The following PRDM9 variants were observed in gnomAD, a reference collection of about 807,000 sequenced individuals.
PRDM9 encodes the protein histone-lysine N-methyltransferase PRDM9.
In PRDM9, 47 loss-of-function variants were observed where a neutral mutation model predicts 55.6. That is an observed-to-expected ratio of 0.85 (90% CI 0.67 to 1.08). PRDM9 has a LOEUF of 1.08. Among genes scored for constraint, PRDM9 ranks in the 50% least tolerant of loss-of-function variants. The pLI is 0.00. For synonymous variants in PRDM9, 312 were observed against 375.7 expected, an observed-to-expected ratio of 0.83 and a Z score of 1.96; for missense variants, 867 against 1,040.3, an observed-to-expected ratio of 0.83 and a Z score of 2.29.
chr5:23,518,220 T>C (rs1443383831), intron 5 of PRDM9, among the ~76,000 whole-genome samples: 1 of 152,226 alleles, frequency 6.6e-6, no homozygotes, highest in Non-Finnish European at 1.5e-5. Flanking sequence ...ATTAAGTAGA[T>C]GTTGTAACTA....
In PRDM9 at chr5:23,510,043, A is replaced by C; in HGVS notation, c.301+16A>C. On this transcript the variant is annotated intron_variant, in intron 4 of 10. Coordinates refer to ENST00000296682, the MANE Select transcript of PRDM9 (RefSeq NM_020227.4). Reference sequence around the variant, plus strand: ...AGGCAGCAAGGTAAGAGGGAAGGGAAGTAGGATTTTTTTTTTTTTTTTTTT... The same window carrying C: ...AGGCAGCAAGGTAAGAGGGAAGGGACGTAGGATTTTTTTTTTTTTTTTTTT... The C allele has an allele frequency of 2.8e-6, 4 of 1,415,024 alleles. No individual in the cohort carries two copies. The highest frequency in any genetic ancestry group is 4.0e-6 in the Non-Finnish European group (4 of 1,008,770). 87.7% of individuals were successfully genotyped at this position (1,415,024 alleles called of 1,614,324 possible).
chr5:23,525,758 T>C (rs758803352), intron 10 of PRDM9, among the ~76,000 whole-genome samples: 7 of 152,166 alleles, frequency 4.6e-5, no homozygotes, highest in Non-Finnish European at 1.0e-4. Context: ...TTTCCCCTCT[T>C]AGGAAATCAC....
intron 9 of PRDM9, among the ~76,000 whole-genome samples, chr5:23,523,758 C>T (rs1034758665): frequency 6.6e-6 from 1 of 152,106 alleles, no homozygotes; most frequent in African/African-American, 2.4e-5. Flanking sequence ...ACAATGGGCT[C>T]TCGTTCTATC....
In PRDM9 at chr5:23,522,303, G is replaced by A. The variant is rs766825981; in HGVS notation, c.509-1G>A. 9.9e-6 allele frequency: 16 copies of A among 1,611,276 alleles called. No individual in the cohort carries two copies. The highest frequency in any genetic ancestry group is 1.3e-5 in the Non-Finnish European group (15 of 1,177,626). On this transcript the variant is annotated splice_acceptor_variant, in intron 6 of 10. Coordinates refer to ENST00000296682, the MANE Select transcript of PRDM9 (RefSeq NM_020227.4). LOFTEE classifies it high-confidence loss of function. Reference sequence around the variant, plus strand: ...TACCCGTCTACTCTTCTCCAACCTAGAACTCAGGAAGAAGGAGACTGAAAG... The same window carrying A: ...TACCCGTCTACTCTTCTCCAACCTAAAACTCAGGAAGAAGGAGACTGAAAG...
chr5:23,523,436 C>T, intron 9 of PRDM9, 78 bp downstream of exon 9: 1 of 1,436,178 alleles, frequency 7.0e-7, no homozygotes, highest in Non-Finnish European at 9.8e-7. Flanking sequence ...TATCATTATG[C>T]CTCCCTCAAT....
chr5:23,516,991 A>C (rs934239467), intron 4 of PRDM9, among the ~76,000 whole-genome samples: 3 of 150,870 alleles, frequency 2.0e-5, no homozygotes, highest in African/African-American at 7.3e-5. Context: ...AAAAAATTTA[A>C]AAATTTAAAA....
At chr5:23,520,364 C>CAAAA (rs59333354) in intron 5 of PRDM9, among the ~76,000 whole-genome samples, 9 of 44,506 alleles carry the variant, frequency 2.0e-4, no homozygotes, top group African/African-American at 3.6e-4. Context: ...GACTCCTTCT[C>CAAAA]AAAAAAAAAA....
intron 6 of PRDM9, among the ~76,000 whole-genome samples, chr5:23,521,860 G>A (rs1423525302): frequency 6.6e-6 from 1 of 152,144 alleles, no homozygotes; most frequent in East Asian, 1.9e-4. Context: ...TGTCCAATAA[G>A]TACCTCTCTG....
At chr5:23,508,091 G>C (rs371356686) in intron 1 of PRDM9, among the ~76,000 whole-genome samples, 14 of 151,854 alleles carry the variant, frequency 9.2e-5, no homozygotes, top group African/African-American at 3.1e-4. Flanking sequence ...CAGCTTCAAG[G>C]ACCAAATAAC....
intron 5 of PRDM9, 117 bp from the exon 6 acceptor site, chr5:23,520,906 C>G (rs1301027805): frequency 4.0e-5 from 48 of 1,207,386 alleles, no homozygotes; most frequent in Admixed American, 9.9e-5. Context: ...TTTAGACACT[C>G]TAGGTATTTT....
At chr5:23,511,238 A>G (rs1430982537) in intron 4 of PRDM9, among the ~76,000 whole-genome samples, 1 of 152,208 alleles carries the variant, frequency 6.6e-6, no homozygotes. Flanking sequence ...CAAAGGAAAA[A>G]GAATCTTCCC....
intron 10 of PRDM9, among the ~76,000 whole-genome samples, chr5:23,525,620 C>T (rs1202641384): frequency 6.6e-6 from 1 of 151,948 alleles, no homozygotes; most frequent in Non-Finnish European, 1.5e-5. Flanking sequence ...TGATGGAGAA[C>T]CAGGCACATA....
intron 4 of PRDM9, among the ~76,000 whole-genome samples, chr5:23,513,828 G>A (rs1486112040): frequency 1.3e-5 from 2 of 151,222 alleles, no homozygotes; most frequent in Admixed American, 6.6e-5. Flanking sequence ...TCAGTGAGCC[G>A]AGATCACACC....
chr5:23,518,003 G>T, intron 5 of PRDM9, 73 bp downstream of exon 5: 1 of 1,358,256 alleles, frequency 7.4e-7, no homozygotes, highest in African/African-American at 1.4e-5. Flanking sequence ...GGAGGAGAAT[G>T]TACAGACTAT....
At chr5:23,515,091 G>A (rs1739181903) in intron 4 of PRDM9, among the ~76,000 whole-genome samples, 1 of 151,768 alleles carries the variant, frequency 6.6e-6, no homozygotes, top group Non-Finnish European at 1.5e-5. Context: ...AGCCTCCCGA[G>A]TAGCTGGGAT....
In PRDM9 at chr5:23,517,596, G is replaced by A. The variant is rs773536396; in HGVS notation, c.302-285G>A. Reference sequence around the variant, plus strand: ...AGGTCAGGAGTTTGAGACCAGCATCGCCAACATGGAGAAACCCTATCTCTA... The same window carrying A: ...AGGTCAGGAGTTTGAGACCAGCATCACCAACATGGAGAAACCCTATCTCTA... On this transcript the variant is annotated intron_variant, in intron 4 of 10. Transcript: ENST00000296682. 3.3e-5 allele frequency among the ~76,000 whole-genome samples: 5 copies of A among 152,028 alleles called. No individual in the cohort carries two copies. The East Asian group carries it at 5.8e-4, about 18-fold the overall frequency.
chr5:23,524,556 G>A (rs753807140), intron 10 of PRDM9, 29 bp downstream of exon 10: 2 of 1,612,490 alleles, frequency 1.2e-6, no homozygotes, highest in South Asian at 1.1e-5. Context: ...CTTTTAAAAG[G>A]ACAGGAAAGA....
Position 23,521,084 on chromosome 5 carries a change from A to G in PRDM9, c.413A>G (p.Asn138Ser). The change falls in exon 6 of 11, where the codon AAT becomes AGT. Residue 138 changes from asparagine (N) to serine (S), a missense_variant. Asn to Ser is a conservative substitution (Grantham distance 46). Around this residue, in one of 5 missense-constraint regions of PRDM9, gnomAD observed 662 missense variants for 711.9 expected, o/e 0.93. Transcript: ENST00000296682. ...SSLKELSRTA[N>S]LLNASGSEQA... The stretch of plus-strand genomic sequence containing the variant: ...TTGAAAGAATTGTCAAGAACAGCAA[A>G]TTTACTGAATGCAAGTGGCTCAGAG... 1 of 1,614,176 alleles carries G rather than the reference A, an allele frequency of 6.2e-7. No individual in the cohort carries two copies. The highest frequency in any genetic ancestry group is 8.5e-7 in the Non-Finnish European group (1 of 1,180,036).
intron 5 of PRDM9, among the ~76,000 whole-genome samples, chr5:23,519,345 C>T (rs751228642): frequency 5.3e-5 from 8 of 151,910 alleles, no homozygotes; most frequent in Non-Finnish European, 7.4e-5. Flanking sequence ...CATATGTGAG[C>T]CATTGCACCC....
Sources: allele counts gnomAD v4.1 joint callset (sites outside exome capture counted in the v4.1 genomes callset), GRCh38; gene constraint gnomAD v4.1.1; regional missense constraint gnomAD v4.1.1; transcripts MANE v1.5; gene names NCBI Gene and HGNC (gene_info 2026-07-23, HGNC 2026-07-21).